SPOCK3: variants seen among roughly 807,000 people sequenced by gnomAD.
SPOCK3 encodes the protein SPARC (osteonectin), cwcv and kazal like domains proteoglycan 3, also known as testican-3.
A neutral mutation model predicts 56.6 loss-of-function variants in SPOCK3; 30 were observed. That is an observed-to-expected ratio of 0.53 (90% CI 0.40 to 0.72). SPOCK3 has a LOEUF of 0.72. Among genes scored for constraint, SPOCK3 ranks in the 30% least tolerant of loss-of-function variants. The pLI, the probability that SPOCK3 is intolerant of heterozygous loss-of-function variation, is 0.00. For synonymous variants in SPOCK3, 196 were observed against 183.3 expected, an observed-to-expected ratio of 1.07 and a Z score of -0.56; for missense variants, 527 against 530.0, an observed-to-expected ratio of 0.99 and a Z score of 0.06.
intron 3 of SPOCK3, among the ~76,000 whole-genome samples, chr4:167,016,534 C>G (rs570101295): frequency 1.3e-5 from 2 of 151,576 alleles, no homozygotes; most frequent in Non-Finnish European, 2.9e-5. Context: ...CAAAAGGAAC[C>G]CAGAAAATCT....
chr4:167,117,599 C>T (rs1184628702), intron 2 of SPOCK3, among the ~76,000 whole-genome samples: 3 of 152,104 alleles, frequency 2.0e-5, no homozygotes, highest in Non-Finnish European at 2.9e-5. Flanking sequence ...ACAGAACATG[C>T]CCTGGGCTTT....
chr4:166,971,052 A>G (rs1745325946), intron 4 of SPOCK3, among the ~76,000 whole-genome samples: 1 of 152,178 alleles, frequency 6.6e-6, no homozygotes, highest in African/African-American at 2.4e-5. Flanking sequence ...AGGAAAGACA[A>G]GTTGAAACAC....
rs728112 is a variant in SPOCK3 at position 166,996,381 on chromosome 4, G to C, written c.350+3968C>G. ...ATCTGCAGCTGCACAGGCAGCAAGG[G>C]AGCATAAAACACTGGGCTTCTTGTT... is the stretch of plus-strand genomic sequence containing the variant. On this transcript the variant is annotated intron_variant, in intron 4 of 10. Transcript: ENST00000357545. Among the ~76,000 whole-genome samples the C allele has an allele frequency of 1.2e-4, 18 of 152,090 alleles. No individual in the cohort carries two copies. The East Asian group carries it at 2.3e-3, about 20-fold the overall frequency.
At chr4:166,752,236 A>G (rs7671353) in intron 8 of SPOCK3, among the ~76,000 whole-genome samples, 119,939 of 151,778 alleles carry the variant, frequency 0.79, 47,641 homozygotes, top group South Asian at 0.82. Context: ...CATTGCCCAC[A>G]CTGCTCGGAC....
At chr4:167,106,906 G>A (rs982226423) in intron 2 of SPOCK3, among the ~76,000 whole-genome samples, 7 of 151,518 alleles carry the variant, frequency 4.6e-5, no homozygotes, top group Non-Finnish European at 1.0e-4. Flanking sequence ...GAAAATCTAG[G>A]AGAAATAGAT....
At chr4:166,924,065 G>T (rs1346676189) in intron 4 of SPOCK3, among the ~76,000 whole-genome samples, 1 of 152,134 alleles carries the variant, frequency 6.6e-6, no homozygotes, top group Non-Finnish European at 1.5e-5. Flanking sequence ...GAAAGATACA[G>T]GCTTTGTGAC....
chr4:167,233,883 C>T, intron 2 of SPOCK3, 102 bp downstream of exon 2: 1 of 1,022,292 alleles, frequency 9.8e-7, no homozygotes, highest in South Asian at 1.4e-5. Context: ...AACCCCTCTC[C>T]TCAGAAAACG....
chr4:167,062,524 C>A lies in SPOCK3; in HGVS notation c.203G>T (p.Arg68Leu), dbSNP rs202164599. 2.5e-6 allele frequency: 4 copies of A among 1,605,404 alleles called. No homozygotes were observed. The highest frequency in any genetic ancestry group is 1.7e-4 in the Middle Eastern group (1 of 6,016). Residue 68 changes from arginine to leucine, a missense_variant, in exon 3 of 11, where the codon CGC becomes CTC. Transcript: ENST00000357545. ...GAAGGGTTTTCCTGGACTCCAAGTG[C>A]GGAAATAATCATCCTAAGGGGGAAA... ...WNKFRDDDYF[R>L]TWSPGKPFDQ...
At chr4:166,971,820 T>C (rs1412078954) in intron 4 of SPOCK3, among the ~76,000 whole-genome samples, 1 of 152,104 alleles carries the variant, frequency 6.6e-6, no homozygotes, top group African/African-American at 2.4e-5. Context: ...TTTTCACCAA[T>C]GGCAAATGGA....
At chr4:167,047,700 C>T (rs1232512628) in intron 3 of SPOCK3, among the ~76,000 whole-genome samples, 1 of 152,168 alleles carries the variant, frequency 6.6e-6, no homozygotes, top group Non-Finnish European at 1.5e-5. Context: ...ACTATCTTTA[C>T]TATCTATTTT....
intron 3 of SPOCK3, among the ~76,000 whole-genome samples, chr4:167,060,687 T>C (rs1755505647): frequency 6.6e-6 from 1 of 152,148 alleles, no homozygotes; most frequent in South Asian, 2.1e-4. Flanking sequence ...TTTTAAAGCA[T>C]AAACTTCAAA....
At chr4:166,832,951 A>C (rs549477613) in intron 6 of SPOCK3, among the ~76,000 whole-genome samples, 12 of 152,304 alleles carry the variant, frequency 7.9e-5, no homozygotes, top group African/African-American at 2.9e-4. Context: ...ACTATTAGGT[A>C]CTATACTCAC....
intron 4 of SPOCK3, among the ~76,000 whole-genome samples, chr4:166,944,636 T>C (rs1741505171): frequency 6.6e-6 from 1 of 152,204 alleles, no homozygotes; most frequent in Non-Finnish European, 1.5e-5. Context: ...GTTTATCTGA[T>C]GTTCCTTAAA....
chr4:167,142,713 T>G (rs1763636532), intron 2 of SPOCK3, among the ~76,000 whole-genome samples: 2 of 152,020 alleles, frequency 1.3e-5, no homozygotes, highest in Admixed American at 6.6e-5. Context: ...CGATGAAAAC[T>G]AATTGCCTAA....
chr4:167,224,638 A>C (rs1736406317), intron 2 of SPOCK3, among the ~76,000 whole-genome samples: 1 of 152,188 alleles, frequency 6.6e-6, no homozygotes, highest in African/African-American at 2.4e-5. Flanking sequence ...TAATACAGAT[A>C]AATGCAATAA....
At chr4:167,007,560 A>G (rs1749587536) in intron 3 of SPOCK3, among the ~76,000 whole-genome samples, 1 of 151,948 alleles carries the variant, frequency 6.6e-6, no homozygotes, top group African/African-American at 2.4e-5. Context: ...TCCTTACTGC[A>G]CTCTCCATAA....
chr4:166,734,875 T>C lies in SPOCK3; in HGVS notation c.*46A>G. 1 of 1,363,798 alleles carries C rather than the reference T, an allele frequency of 7.3e-7. No individual in the cohort carries two copies. Among genetic ancestry groups the C allele is most frequent in the Non-Finnish European group, 9.9e-7 (1 of 1,008,734 alleles). The allele number at this position is 1,363,798 out of a possible 1,614,324, so 84.5% of individuals were successfully genotyped here. ...ATAATTTTAAATAGGCTATCATTTT[T>C]GTAAATATTAGAAATGTAGAATTTA... is the stretch of plus-strand genomic sequence containing the variant. On this transcript the variant is annotated 3_prime_UTR_variant, in exon 11 of 11. Coordinates refer to ENST00000357545, the MANE Select transcript of SPOCK3 (RefSeq NM_001040159.2).
chr4:166,912,551 A>G, intron 5 of SPOCK3, 69 bp downstream of exon 5: 2 of 1,407,546 alleles, frequency 1.4e-6, no homozygotes, highest in South Asian at 1.2e-5. Flanking sequence ...TGGATAAGCA[A>G]TGGTTTTAAT....
At chr4:167,229,191 A>G (rs1736889374) in intron 2 of SPOCK3, among the ~76,000 whole-genome samples, 1 of 152,212 alleles carries the variant, frequency 6.6e-6, no homozygotes, top group African/African-American at 2.4e-5. Context: ...ACAGTAGTTC[A>G]CTTTATTAAA....
Sources: allele counts gnomAD v4.1 joint callset (sites outside exome capture counted in the v4.1 genomes callset), GRCh38; gene constraint gnomAD v4.1.1; transcripts MANE v1.5; gene names NCBI Gene and HGNC (gene_info 2026-07-23, HGNC 2026-07-21).